Variants in CENPP observed in about 807,000 individuals in gnomAD.
The protein encoded by CENPP is centromere protein P.
CENPP carries 24 observed loss-of-function variants against 35.6 expected under a neutral mutation model. The ratio of observed to expected loss-of-function variants is 0.67; its 90% CI spans 0.49 to 0.95. The LOEUF (loss-of-function observed/expected upper bound fraction) is 0.95, where lower values mean the gene tolerates loss of function less well. Among genes scored for constraint, CENPP ranks in the 40% least tolerant of loss-of-function variants. The probability of loss-of-function intolerance (pLI) is 0.00; values close to 1 mark genes in which losing one functional copy is unlikely to be tolerated. For missense variants in CENPP, 332 were observed against 345.3 expected, an observed-to-expected ratio of 0.96 and a Z score of 0.31; for synonymous variants, 120 against 125.5, an observed-to-expected ratio of 0.96 and a Z score of 0.29.
At position 92,515,210 on chromosome 9, in the gene CENPP, A is replaced by G. The variant is rs1432007398; in HGVS notation, c.565-96104A>G. 6 of 1,546,748 alleles carry G rather than the reference A, an allele frequency of 3.9e-6. No homozygotes were observed. In the African/African-American group the frequency reaches 8.3e-5, roughly 21 times the overall value. ...CTGAGTAGAGAATAGGAGACTAATG[A>G]CCACGCAAGGATGAGGTAGCAGAGA... is the stretch of plus-strand genomic sequence containing the variant. On this transcript the variant is annotated intron_variant, in intron 5 of 7. Coordinates refer to ENST00000375587, the MANE Select transcript of CENPP (RefSeq NM_001012267.3).
At chr9:92,448,324 C>T (rs1020760754) in intron 5 of CENPP, among the ~76,000 whole-genome samples, 7 of 149,898 alleles carry the variant, frequency 4.7e-5, no homozygotes, top group African/African-American at 9.9e-5. Flanking sequence ...GGCTGGTGTG[C>T]GGTGGCATGA....
intron 4 of CENPP, among the ~76,000 whole-genome samples, chr9:92,367,801 A>G (rs995829924): frequency 6.6e-6 from 1 of 152,068 alleles, no homozygotes; most frequent in African/African-American, 2.4e-5. Context: ...TATTTTTAGT[A>G]GAGATGGGGT....
At chr9:92,568,897 C>T (rs1850063767) in intron 5 of CENPP, among the ~76,000 whole-genome samples, 1 of 152,194 alleles carries the variant, frequency 6.6e-6, no homozygotes, top group Admixed American at 6.5e-5. Context: ...TGAGAAGTGT[C>T]TGTTCATGTC....
chr9:92,373,536 A>C (rs558818068), intron 4 of CENPP, among the ~76,000 whole-genome samples: 2 of 152,210 alleles, frequency 1.3e-5, no homozygotes, highest in East Asian at 3.9e-4. Context: ...TTTAAAAATT[A>C]ATGTTTTGAG....
intron 4 of CENPP, among the ~76,000 whole-genome samples, chr9:92,362,572 CTG>C (rs1346568577): frequency 6.6e-6 from 1 of 152,194 alleles, no homozygotes; most frequent in Non-Finnish European, 1.5e-5. Context: ...CTCAATGAAA[CTG>C]TTGTATTTCT....
intron 5 of CENPP, among the ~76,000 whole-genome samples, chr9:92,448,214 C>T (rs765483902): frequency 9.9e-5 from 15 of 151,946 alleles, no homozygotes; most frequent in African/African-American, 3.4e-4. Flanking sequence ...GGCCACACCA[C>T]GTGGGAGATG....
intron 5 of CENPP, among the ~76,000 whole-genome samples, chr9:92,580,277 T>C (rs1184053054): frequency 6.6e-6 from 1 of 152,186 alleles, no homozygotes; most frequent in Non-Finnish European, 1.5e-5. Flanking sequence ...TTTGGTTGTG[T>C]CTCTGCCCGG....
intron 5 of CENPP, among the ~76,000 whole-genome samples, chr9:92,574,518 C>A (rs963367962): frequency 6.6e-6 from 1 of 152,060 alleles, no homozygotes; most frequent in Admixed American, 6.5e-5. Flanking sequence ...TAGGAATTAA[C>A]CAAGAAGGTG....
At position 92,599,074 on chromosome 9, in the gene CENPP, T is replaced by C. The variant is rs780022301; in HGVS notation, c.565-12240T>C. Among the ~76,000 whole-genome samples, 121 of 151,456 alleles carry C rather than the reference T, an allele frequency of 8.0e-4. 3 individuals are homozygous for C. Among genetic ancestry groups the C allele is most frequent in the Admixed American group, 1.4e-3 (22 of 15,216 alleles). On this transcript the variant is annotated intron_variant, in intron 5 of 7. Coordinates refer to ENST00000375587, the MANE Select transcript of CENPP (RefSeq NM_001012267.3). ...GAGATCGCACCACTGCACTCCAGCC[T>C]GGGATGGAGTGAATTCCACACCCAG...
chr9:92,485,741 A>G (rs1448323786), intron 5 of CENPP, among the ~76,000 whole-genome samples: 1 of 152,168 alleles, frequency 6.6e-6, no homozygotes, highest in African/African-American at 2.4e-5. Context: ...CAGTGGTACA[A>G]TCATACCTCA....
chr9:92,611,593 G>A (rs572725167), intron 6 of CENPP, among the ~76,000 whole-genome samples, 200 bp downstream of exon 6: 4 of 152,276 alleles, frequency 2.6e-5, no homozygotes, highest in South Asian at 4.1e-4. Context: ...GTGCTGGGCC[G>A]CAGGGGGAAA....
chr9:92,522,673 G>C (rs1458940183), intron 5 of CENPP: 1 of 1,614,064 alleles, frequency 6.2e-7, no homozygotes, highest in East Asian at 2.2e-5. Context: ...AGGAAGTCTT[G>C]CTACTGGTGT....
intron 5 of CENPP, among the ~76,000 whole-genome samples, chr9:92,520,592 C>T (rs1848003731): frequency 6.6e-6 from 1 of 152,164 alleles, no homozygotes; most frequent in Non-Finnish European, 1.5e-5. Context: ...AATGGCCCAA[C>T]AGTTCCCCTC....
chr9:92,466,300 T>C, intron 5 of CENPP: 3 of 1,143,042 alleles, frequency 2.6e-6, no homozygotes, highest in Non-Finnish European at 3.9e-6. Context: ...CGATAAAGTG[T>C]TCTACATCTG....
At position 92,332,294 on chromosome 9, in the gene CENPP, A is replaced by G; in HGVS notation, c.232A>G (p.Ile78Val). ...TCTAAGTACGCTTACTGGCATCAAT[A>G]TAAGAAATCACTCCAAGCAGACAGA... ...SFLSTLTGINIRNHSKQTEDL... is the reference protein window; with the variant it reads ...SFLSTLTGINVRNHSKQTEDL... Residue 78 changes from isoleucine to valine, a missense_variant, in exon 2 of 8, where the codon ATA (isoleucine) becomes GTA (valine). Physicochemically the swap from Ile to Val is conservative, Grantham distance 29. Coordinates refer to ENST00000375587, the MANE Select transcript of CENPP (RefSeq NM_001012267.3). 5 of 1,611,644 alleles carry G rather than the reference A, an allele frequency of 3.1e-6. No individual in the cohort carries two copies. Among genetic ancestry groups the G allele is most frequent in the South Asian group, 1.1e-5 (1 of 90,434 alleles).
rs1355957887 is a variant in CENPP at position 92,593,918 on chromosome 9, G to A, written c.565-17396G>A. 1.3e-5 allele frequency among the ~76,000 whole-genome samples: 2 copies of A among 152,160 alleles called. No individual in the cohort carries two copies. The highest frequency in any genetic ancestry group is 2.9e-5 in the Non-Finnish European group (2 of 68,026). ...TGCTACCTTTCTCACGAATCTCAAA[G>A]GTAATATGATATCCTGGATGGGAAT... On this transcript the variant is annotated intron_variant, in intron 5 of 7. Coordinates refer to ENST00000375587, the MANE Select transcript of CENPP (RefSeq NM_001012267.3). This position sits in a 1 kb window ranked among gnomAD's most constrained non-coding sequence, Gnocchi z 4.1.
At chr9:92,461,768 A>G (rs868859697) in intron 5 of CENPP, among the ~76,000 whole-genome samples, 2 of 152,288 alleles carry the variant, frequency 1.3e-5, no homozygotes, top group African/African-American at 4.8e-5. Flanking sequence ...TTCTTCTCTA[A>G]AGAATTTTCT....
intron 5 of CENPP, among the ~76,000 whole-genome samples, chr9:92,454,338 G>C (rs1844808667): frequency 6.6e-6 from 1 of 152,090 alleles, no homozygotes; most frequent in South Asian, 2.1e-4. Context: ...TTTGTAAAAA[G>C]ATTAACTTGG....
chr9:92,620,437 T>A lies in CENPP; in HGVS notation c.*7288T>A, dbSNP rs1851594494. 6.6e-6 allele frequency: 1 copy of A among 152,206 alleles called. No homozygotes were observed. The highest frequency in any genetic ancestry group is 6.5e-5 in the Admixed American group (1 of 15,292). 9.4% of individuals were successfully genotyped at this position (152,206 alleles called of 1,614,324 possible). Reference sequence around the variant, plus strand: ...ACAGAGCAGAATGTGAGGCACTCTCTCCTCTTCCTTCTTTGGACTTTCATA... The same window carrying A: ...ACAGAGCAGAATGTGAGGCACTCTCACCTCTTCCTTCTTTGGACTTTCATA... On this transcript the variant is annotated 3_prime_UTR_variant, in exon 8 of 8. Coordinates refer to ENST00000375587, the MANE Select transcript of CENPP (RefSeq NM_001012267.3).
Sources: allele counts gnomAD v4.1 joint callset (sites outside exome capture counted in the v4.1 genomes callset), GRCh38; gene constraint gnomAD v4.1.1; non-coding constraint Gnocchi (gnomAD v3.1); transcripts MANE v1.5; gene names NCBI Gene and HGNC (gene_info 2026-07-23, HGNC 2026-07-21).